Variants in ACBD6 observed in about 807,000 individuals in gnomAD.
The protein encoded by ACBD6 is acyl-CoA-binding domain-containing protein 6.
In ACBD6, 28 loss-of-function variants were observed where a neutral mutation model predicts 37.2. The ratio of observed to expected loss-of-function variants is 0.75; its 90% CI spans 0.56 to 1.03. ACBD6 has a LOEUF of 1.03. ACBD6 is among the 50% of genes least tolerant of loss of function. The pLI is 0.00. For synonymous variants in ACBD6, 113 were observed against 126.8 expected (o/e 0.89, Z 0.73); for missense variants, 340 against 337.4 (o/e 1.01, Z -0.06).
intron 5 of ACBD6, among the ~76,000 whole-genome samples, chr1:180,404,396 A>G (rs916633994): frequency 2.6e-5 from 4 of 152,160 alleles, no homozygotes; most frequent in Non-Finnish European, 4.4e-5. Flanking sequence ...CCTGCGCTCA[A>G]GAATTCCTTG....
chr1:180,402,802 G>GA (rs60336213), intron 5 of ACBD6, among the ~76,000 whole-genome samples: 69,375 of 140,402 alleles, frequency 0.49, 18,608 homozygotes, highest in South Asian at 0.66. Context: ...TGTCTCAAAA[G>GA]AAAAAAAAAA....
chr1:180,292,635 T>G (rs950597868), intron 7 of ACBD6, among the ~76,000 whole-genome samples: 1 of 152,034 alleles, frequency 6.6e-6, no homozygotes, highest in African/African-American at 2.4e-5. Flanking sequence ...TAATAGATTC[T>G]TGGGGTCTTA....
chr1:180,383,232 GAAAACTTGAAGTC>G (rs1653727131), intron 6 of ACBD6, among the ~76,000 whole-genome samples: 1 of 152,066 alleles, frequency 6.6e-6, no homozygotes, highest in South Asian at 2.1e-4. Context: ...ATCCAAACAG[GAAAACTTGAAGTC>G]AAACTGTCCT....
intron 3 of ACBD6, among the ~76,000 whole-genome samples, chr1:180,440,868 C>G (rs914116899): frequency 4.6e-5 from 7 of 152,202 alleles, no homozygotes; most frequent in African/African-American, 1.7e-4. Flanking sequence ...TATATTATAG[C>G]ATGTATCGGT....
chr1:180,464,069 C>T (rs1241631288), intron 3 of ACBD6, among the ~76,000 whole-genome samples: 1 of 152,014 alleles, frequency 6.6e-6, no homozygotes, highest in Non-Finnish European at 1.5e-5. Context: ...TAGTATGAGC[C>T]ATCTATGACA....
At chr1:180,321,108 T>C (rs1008284379) in intron 6 of ACBD6, among the ~76,000 whole-genome samples, 2 of 152,170 alleles carry the variant, frequency 1.3e-5, no homozygotes, top group Non-Finnish European at 1.5e-5. Flanking sequence ...TATAGGTGTA[T>C]AGATTTGTTT....
chr1:180,385,935 C>T (rs377300601), intron 6 of ACBD6, among the ~76,000 whole-genome samples: 419 of 152,232 alleles, frequency 2.8e-3, no homozygotes, highest in African/African-American at 9.7e-3. Flanking sequence ...TTTGGGAGGC[C>T]GAGGCGGGTG....
chr1:180,488,446 T>C (rs1175041943), intron 3 of ACBD6, among the ~76,000 whole-genome samples: 1 of 152,218 alleles, frequency 6.6e-6, no homozygotes, highest in African/African-American at 2.4e-5. Flanking sequence ...TTTACACGTA[T>C]ACATACACTT....
intron 3 of ACBD6, among the ~76,000 whole-genome samples, chr1:180,478,438 T>G (rs570992614): frequency 6.6e-6 from 1 of 152,240 alleles, no homozygotes; most frequent in Non-Finnish European, 1.5e-5. Flanking sequence ...ACAAGGAATT[T>G]TGGACTTTCT....
At chr1:180,354,200 G>T (rs1652533430) in intron 6 of ACBD6, among the ~76,000 whole-genome samples, 1 of 152,194 alleles carries the variant, frequency 6.6e-6, no homozygotes, top group South Asian at 2.1e-4. Flanking sequence ...TGGATTAACA[G>T]CCTAATTCCC....
At chr1:180,441,739 G>GT (rs1415076204) in intron 3 of ACBD6, among the ~76,000 whole-genome samples, 2 of 152,136 alleles carry the variant, frequency 1.3e-5, no homozygotes, top group Non-Finnish European at 2.9e-5. Flanking sequence ...CTTATATCTT[G>GT]TAACTTTGCT....
At chr1:180,459,095 C>T (rs1422071394) in intron 3 of ACBD6, among the ~76,000 whole-genome samples, 2 of 152,096 alleles carry the variant, frequency 1.3e-5, no homozygotes, top group African/African-American at 2.4e-5. Flanking sequence ...TTATAAAGCA[C>T]TAAAGTTATT....
Position 180,406,904 on chromosome 1 carries a change from A to G in ACBD6, c.573+6462T>C, listed in dbSNP as rs969972309. On this transcript the variant is annotated intron_variant, in intron 5 of 7. Coordinates refer to ENST00000367595, the MANE Select transcript of ACBD6 (RefSeq NM_032360.4). ...TAATTGTTACCCAACTCATAATAAGAAAACGTCAAAAGGACAGAAAGGGTT... is the reference window on the plus strand; with the variant it reads ...TAATTGTTACCCAACTCATAATAAGGAAACGTCAAAAGGACAGAAAGGGTT... Among the ~76,000 whole-genome samples the G allele has an allele frequency of 5.3e-5, 8 of 152,368 alleles. No homozygotes were observed. The East Asian group carries it at 1.5e-3, about 29-fold the overall frequency.
chr1:180,502,362 G>C lies in ACBD6; in HGVS notation c.-96C>G. 1 of 1,370,118 alleles carries C rather than the reference G, an allele frequency of 7.3e-7. No individual in the cohort carries two copies. Among genetic ancestry groups the C allele is most frequent in the Non-Finnish European group, 1.0e-6 (1 of 980,124 alleles). The allele number at this position is 1,370,118 out of a possible 1,614,324, so 84.9% of individuals were successfully genotyped here. A position where few individuals can be genotyped will look rare whatever the true frequency, so the allele number is the denominator to read the frequency against. ...GGCCTGGCCCACCAGTCTGGGTCGC[G>C]AGCCTGAGCTCCAGTCGGACCCAAG... On this transcript the variant is annotated 5_prime_UTR_variant, in exon 1 of 8. Transcript: ENST00000367595.
intron 3 of ACBD6, among the ~76,000 whole-genome samples, chr1:180,445,185 A>G (rs1435418915): frequency 6.6e-6 from 1 of 152,232 alleles, no homozygotes; most frequent in Non-Finnish European, 1.5e-5. Flanking sequence ...AGCTAATACA[A>G]TAATTATTAT....
chr1:180,284,878 C>T (rs1444814607), downstream of ACBD6, among the ~76,000 whole-genome samples: 1 of 152,032 alleles, frequency 6.6e-6, no homozygotes, highest in Non-Finnish European at 1.5e-5. Flanking sequence ...GTGGCCAAGC[C>T]TGGTGGCTCT....
intron 9 of ACBD6, among the ~76,000 whole-genome samples, chr1:180,280,142 T>C (rs969668900): frequency 6.6e-6 from 1 of 152,242 alleles, no homozygotes; most frequent in African/African-American, 2.4e-5. Context: ...TCATTGCAGA[T>C]GGCTCTACTG....
intron 3 of ACBD6, among the ~76,000 whole-genome samples, chr1:180,445,187 A>T (rs1461576168): frequency 6.6e-6 from 1 of 152,206 alleles, no homozygotes; most frequent in Non-Finnish European, 1.5e-5. Context: ...CTAATACAAT[A>T]ATTATTATTG....
chr1:180,302,386 G>A (rs1366557850), intron 7 of ACBD6, among the ~76,000 whole-genome samples: 1 of 151,670 alleles, frequency 6.6e-6, no homozygotes, highest in Non-Finnish European at 1.5e-5. Context: ...CCCTGCATAT[G>A]AATCTGGGTG....
Sources: gnomAD v4.1 joint callset for allele counts (sites outside exome capture counted in the v4.1 genomes callset) on GRCh38, gnomAD v4.1.1 for gene constraint, MANE v1.5 for transcripts, NCBI Gene and HGNC (gene_info 2026-07-23, HGNC 2026-07-21) for gene names.